The following NADSYN1 variants were observed in gnomAD, a reference collection of about 807,000 sequenced individuals.
The protein encoded by NADSYN1 is glutamine-dependent NAD(+) synthetase.
NADSYN1 carries 80 observed loss-of-function variants against 99.3 expected under a neutral mutation model. That is an observed-to-expected ratio of 0.81 (90% CI 0.67 to 0.97). The LOEUF (loss-of-function observed/expected upper bound fraction) is 0.97, where lower values mean the gene tolerates loss of function less well. Among genes scored for constraint, NADSYN1 ranks in the 50% least tolerant of loss-of-function variants. NADSYN1 has a pLI of 0.00. For missense variants in NADSYN1, 859 were observed against 948.5 expected, an observed-to-expected ratio of 0.91 and a Z score of 1.24; for synonymous variants, 385 against 372.1, an observed-to-expected ratio of 1.03 and a Z score of -0.40.
intron 10 of NADSYN1, 132 bp from the exon 11 acceptor site, chr11:71,480,623 G>A (rs941753747): frequency 8.2e-6 from 11 of 1,344,746 alleles, no homozygotes; most frequent in East Asian, 2.3e-5. Flanking sequence ...CCTCGTGGGA[G>A]TGAGGGTGGC....
intron 5 of NADSYN1, 87 bp downstream of exon 5, chr11:71,464,229 C>T (rs1949572381): frequency 5.7e-6 from 6 of 1,045,128 alleles, no homozygotes; most frequent in Non-Finnish European, 4.2e-6. Flanking sequence ...GGAGTGTTAC[C>T]GGTGGAGGGT....
rs7130315 is a variant in NADSYN1, at chr11:71,496,128, A to G, written c.1765-1355A>G. 7.8e-3 allele frequency among the ~76,000 whole-genome samples: 1,180 copies of G among 152,230 alleles called. 14 individuals are homozygous for G. The highest frequency in any genetic ancestry group is 0.027 in the African/African-American group (1,129 of 41,536). On this transcript the variant is annotated intron_variant, in intron 18 of 20. Transcript: ENST00000319023. ...AGGCTGCATCTGCTCCATGAGCCACACCTTCCATGGATGATTTGTGGAGCT... is the reference window on the plus strand; with the variant it reads ...AGGCTGCATCTGCTCCATGAGCCACGCCTTCCATGGATGATTTGTGGAGCT...
chr11:71,472,471 C>T lies in NADSYN1; in HGVS notation c.430C>T (p.Pro144Ser). Residue 144 changes from proline (P) to serine (S), a missense_variant, in exon 6 of 21, where the codon CCT (proline) becomes TCT (serine). Pro to Ser is a moderately conservative substitution (Grantham distance 74). Coordinates refer to ENST00000319023, the MANE Select transcript of NADSYN1 (RefSeq NM_018161.5). ...CAGGCACACAGAGGAGTACTTTCTG[C>T]CTCGGATGATACAGGACCTGACAAA... is the stretch of plus-strand genomic sequence containing the variant. ...RSRHTEEYFL[P>S]RMIQDLTKQE... 1 of 1,613,824 alleles carries T rather than the reference C, an allele frequency of 6.2e-7. No homozygotes were observed.
intron 19 of NADSYN1, 107 bp from the exon 20 acceptor site, chr11:71,498,245 G>T: frequency 7.7e-7 from 1 of 1,295,696 alleles, no homozygotes; most frequent in African/African-American, 1.5e-5. Flanking sequence ...GGTCCTGTGC[G>T]GGGAGTAACC....
At chr11:71,458,618 G>A in intron 3 of NADSYN1, 74 bp downstream of exon 3, 1 of 1,042,642 alleles carries the variant, frequency 9.6e-7, no homozygotes, top group Non-Finnish European at 1.5e-6. Flanking sequence ...CACCCAACCG[G>A]CCTCCATCCA....
At chr11:71,484,538 G>T in intron 15 of NADSYN1, 91 bp downstream of exon 15, 1 of 1,474,970 alleles carries the variant, frequency 6.8e-7, no homozygotes. Flanking sequence ...CCCCACCTGG[G>T]CCATCGTCTC....
chr11:71,464,014 A>G (rs1438811718), intron 4 of NADSYN1, 39 bp from the exon 5 acceptor site: 1 of 1,532,948 alleles, frequency 6.5e-7, no homozygotes, highest in Admixed American at 1.8e-5. Context: ...CGTTCATCTC[A>G]GGAGCCCGGT....
At chr11:71,488,410 A>G (rs1391473509) in intron 16 of NADSYN1, among the ~76,000 whole-genome samples, 1 of 151,942 alleles carries the variant, frequency 6.6e-6, no homozygotes, top group Non-Finnish European at 1.5e-5. Flanking sequence ...GTGGGTGGAG[A>G]AGAGCCCGTG....
intron 13 of NADSYN1, among the ~76,000 whole-genome samples, chr11:71,482,391 G>A (rs904888180): frequency 2.0e-5 from 3 of 152,218 alleles, no homozygotes; most frequent in Non-Finnish European, 4.4e-5. Flanking sequence ...GATGATGCCC[G>A]ATGGATGGGG....
chr11:71,481,726 T>C (rs1379829891), intron 12 of NADSYN1, 197 bp from the exon 13 acceptor site: 1 of 607,932 alleles, frequency 1.6e-6, no homozygotes, highest in Non-Finnish European at 2.9e-6. Flanking sequence ...CGCCCCGCAG[T>C]GAAGTGTCTT....
intron 16 of NADSYN1, among the ~76,000 whole-genome samples, chr11:71,488,672 AG>A (rs983920487): frequency 6.6e-6 from 1 of 151,922 alleles, no homozygotes; most frequent in African/African-American, 2.4e-5. Flanking sequence ...TATTAGAGAC[AG>A]GGTCTTGCTC....
At chr11:71,481,769 C>T (rs981085176) in intron 12 of NADSYN1, 154 bp from the exon 13 acceptor site, 24 of 637,222 alleles carry the variant, frequency 3.8e-5, no homozygotes, top group Non-Finnish European at 5.7e-5. Context: ...CATCCTGCCA[C>T]GTGCGGGTAT....
At chr11:71,460,338 T>TC (rs1380254404) in intron 3 of NADSYN1, 3 of 152,230 alleles carry the variant, frequency 2.0e-5, no homozygotes, top group African/African-American at 7.2e-5. Flanking sequence ...TAGGTTTTCT[T>TC]TTTTTTGTTT....
At position 71,482,791 on chromosome 11, in the gene NADSYN1, A is replaced by G. The variant is rs193154884; in HGVS notation, c.1151-58A>G. On this transcript the variant is annotated intron_variant, in intron 13 of 20. Transcript: ENST00000319023. ...TGGGGGTGTAGACCGGGGTGGAACTATGTAAACATCCCACACACTCAGGTG... is the reference window on the plus strand; with the variant it reads ...TGGGGGTGTAGACCGGGGTGGAACTGTGTAAACATCCCACACACTCAGGTG... 1.3e-3 allele frequency: 1,984 copies of G among 1,578,880 alleles called. 4 individuals carry two copies. The highest frequency in any genetic ancestry group is 1.6e-3 in the Non-Finnish European group (1,852 of 1,159,746).
At chr11:71,474,765 C>A in intron 9 of NADSYN1, 5 of 500,408 alleles carry the variant, frequency 1.0e-5, no homozygotes, top group Non-Finnish European at 1.8e-5. Flanking sequence ...TAGTGAGGGC[C>A]CCTGTGGAGA....
chr11:71,482,332 T>C (rs1949713673), intron 13 of NADSYN1, among the ~76,000 whole-genome samples: 1 of 152,190 alleles, frequency 6.6e-6, no homozygotes, highest in African/African-American at 2.4e-5. Flanking sequence ...TCCTCCCCCA[T>C]GTGATATAGT....
Position 71,497,476 on chromosome 11 carries a change from T to A in NADSYN1, c.1765-7T>A, listed in dbSNP as rs369264749. ...GTCATCATGGAACAGATTTTTGTTG[T>A]GCACAGGAAGATATGGGGATGACAT... is the stretch of plus-strand genomic sequence containing the variant. On this transcript the variant is annotated splice_polypyrimidine_tract_variant and splice_region_variant and intron_variant, in intron 18 of 20. Transcript: ENST00000319023. 4.2e-4 allele frequency: 676 copies of A among 1,614,090 alleles called. 1 individual carries two copies. Among genetic ancestry groups the A allele is most frequent in the South Asian group, 1.6e-3 (145 of 91,080 alleles).
At chr11:71,456,826 A>G (rs1302436654) in intron 2 of NADSYN1, among the ~76,000 whole-genome samples, 1 of 152,202 alleles carries the variant, frequency 6.6e-6, no homozygotes, top group Non-Finnish European at 1.5e-5. Flanking sequence ...AACAACTTAC[A>G]GAGAGGAAAC....
At position 71,483,147 on chromosome 11, in the gene NADSYN1, A is replaced by AC. The variant is rs1949720447; in HGVS notation, c.1319+130_1319+131insC. On this transcript the variant is annotated intron_variant, in intron 14 of 20. Coordinates refer to ENST00000319023, the MANE Select transcript of NADSYN1 (RefSeq NM_018161.5). ...CATCGTGTCATCCACTATGTGGATAAACGTGTAAGTGCTCCATCCCTTTTT... is the reference window on the plus strand; with the variant it reads ...CATCGTGTCATCCACTATGTGGATAACACGTGTAAGTGCTCCATCCCTTTTT... 1.3e-5 allele frequency: 15 copies of AC among 1,131,940 alleles called. No homozygotes were observed. In the South Asian group the frequency reaches 2.2e-4, roughly 17 times the overall value. 70.1% of individuals were successfully genotyped at this position (1,131,940 alleles called of 1,614,324 possible).
Sources: gnomAD v4.1 joint callset for allele counts (sites outside exome capture counted in the v4.1 genomes callset) on GRCh38, gnomAD v4.1.1 for gene constraint, MANE v1.5 for transcripts, NCBI Gene and HGNC (gene_info 2026-07-23, HGNC 2026-07-21) for gene names.